The following TTC7B variants were observed in gnomAD, a reference collection of about 807,000 sequenced individuals.
TTC7B encodes the protein tetratricopeptide repeat protein 7B.
Under a neutral mutation model 106.8 loss-of-function variants are expected in TTC7B, and 28 were observed. The ratio of observed to expected loss-of-function variants is 0.26; its 90% confidence interval spans 0.19 to 0.36. TTC7B has a LOEUF of 0.36. TTC7B is among the 10% of genes least tolerant of loss of function. The probability of loss-of-function intolerance (pLI) is 1.00; values close to 1 mark genes in which losing one functional copy is unlikely to be tolerated. For missense variants in TTC7B, 862 were observed against 1,076.4 expected, an observed-to-expected ratio of 0.80 and a Z score of 2.79; for synonymous variants, 405 against 430.6, an observed-to-expected ratio of 0.94 and a Z score of 0.74.
At position 90,608,720 on chromosome 14, in the gene TTC7B, G is replaced by C. The variant is rs1892755878; in HGVS notation, c.1966+2022C>G. Among the ~76,000 whole-genome samples the C allele has an allele frequency of 6.6e-6, 1 of 152,106 alleles. No homozygotes were observed. Among genetic ancestry groups the C allele is most frequent in the Admixed American group, 6.5e-5 (1 of 15,270 alleles). On this transcript the variant is annotated intron_variant, in intron 17 of 19. Coordinates refer to ENST00000328459, the MANE Select transcript of TTC7B (RefSeq NM_001010854.2). This position sits in a 1 kb window ranked among gnomAD's most constrained non-coding sequence, Gnocchi z 5.1. ...ATCTGAGAAAGCTGAATCTGAAGAG[G>C]GAGACTCTCAAGCACTCTAGGAAAA... is the stretch of plus-strand genomic sequence containing the variant.
At position 90,663,355 on chromosome 14, in the gene TTC7B, GC is replaced by G; in HGVS notation, c.1153-4969del. Among the ~76,000 whole-genome samples, 1 of 152,210 alleles carries G rather than the reference GC, an allele frequency of 6.6e-6. No homozygotes were observed. The highest frequency in any genetic ancestry group is 1.9e-4 in the East Asian group (1 of 5,184). On this transcript the variant is annotated intron_variant, in intron 9 of 19. Transcript: ENST00000328459. This position sits in a 1 kb window ranked among gnomAD's most constrained non-coding sequence, Gnocchi z 4.5. ...GTGCCACTCACACTTCATTTATCAGGCCCACTCATGCTGCAGAAAGCAAAGG... is the reference window on the plus strand; with the variant it reads ...GTGCCACTCACACTTCATTTATCAGGCCACTCATGCTGCAGAAAGCAAAGG...
At chr14:90,673,234 A>T (rs1008980357) in intron 9 of TTC7B, among the ~76,000 whole-genome samples, 1 of 152,246 alleles carries the variant, frequency 6.6e-6, no homozygotes, top group Non-Finnish European at 1.5e-5. Context: ...TCATAAAGAC[A>T]GATGTAAAGA....
At chr14:90,635,994 A>G (rs1383768088) in intron 15 of TTC7B, among the ~76,000 whole-genome samples, 1 of 150,788 alleles carries the variant, frequency 6.6e-6, no homozygotes, top group African/African-American at 2.4e-5. Flanking sequence ...GGTGGTGCGC[A>G]CCTGTAATCC....
intron 15 of TTC7B, among the ~76,000 whole-genome samples, chr14:90,635,874 C>T (rs944412709): frequency 6.6e-6 from 1 of 151,780 alleles, no homozygotes; most frequent in Admixed American, 6.6e-5. Context: ...AATCCCAGCA[C>T]TTTGGGAGGC....
intron 19 of TTC7B, among the ~76,000 whole-genome samples, chr14:90,561,341 C>T (rs1262383384): frequency 4.6e-5 from 7 of 151,870 alleles, no homozygotes; most frequent in African/African-American, 9.7e-5. Flanking sequence ...CATGTGTGCA[C>T]GTGTGTGTGC....
At chr14:90,795,130 C>G (rs1189464544) in intron 1 of TTC7B, among the ~76,000 whole-genome samples, 1 of 151,922 alleles carries the variant, frequency 6.6e-6, no homozygotes, top group African/African-American at 2.4e-5. Context: ...AAATATAAAA[C>G]AAGATCAAAA....
intron 3 of TTC7B, among the ~76,000 whole-genome samples, chr14:90,747,852 G>A (rs775520512): frequency 5.9e-5 from 9 of 152,132 alleles, no homozygotes; most frequent in Non-Finnish European, 1.0e-4. Context: ...TCTTTTGATG[G>A]ATTGACATCA....
Position 90,525,134 on chromosome 14 carries a change from C to T in TTC7B, c.*16234G>A, listed in dbSNP as rs975669527. On this transcript the variant is annotated 3_prime_UTR_variant, in exon 20 of 20. Transcript: ENST00000328459. ...AGTCTCCTTGCCCCAGGCGCAATCA[C>T]GGGTCTGCTTTCCCTCACTCTAGAT... 6.6e-6 allele frequency: 1 copy of T among 151,774 alleles called. No homozygotes were observed. Among genetic ancestry groups the T allele is most frequent in the East Asian group, 1.9e-4 (1 of 5,134 alleles). 9.4% of individuals were successfully genotyped at this position (151,774 alleles called of 1,614,324 possible). A position where few individuals can be genotyped will look rare whatever the true frequency, so the allele number is the denominator to read the frequency against.
chr14:90,805,877 T>C lies in TTC7B; in HGVS notation c.121+10298A>G, dbSNP rs139990166. On this transcript the variant is annotated intron_variant, in intron 1 of 19. Coordinates refer to ENST00000328459, the MANE Select transcript of TTC7B (RefSeq NM_001010854.2). The surrounding 1 kb of genome is among the most constrained non-coding windows in gnomAD (Gnocchi z 4.0). Reference sequence around the variant, plus strand: ...GCCCAGGGGCACTTGGCCTCCTTGATCCCCCGGGGAAGGTGGGGCTGTGGC... The same window carrying C: ...GCCCAGGGGCACTTGGCCTCCTTGACCCCCCGGGGAAGGTGGGGCTGTGGC... Among the ~76,000 whole-genome samples the C allele has an allele frequency of 1.3e-3, 205 of 152,256 alleles. 1 individual carries two copies. Among genetic ancestry groups the C allele is most frequent in the African/African-American group, 4.5e-3 (186 of 41,552 alleles).
chr14:90,540,505 C>A lies in TTC7B; in HGVS notation c.*863G>T, dbSNP rs544534404. The A allele has an allele frequency of 6.5e-6, 1 of 153,534 alleles. No homozygotes were observed. Among genetic ancestry groups the A allele is most frequent in the Non-Finnish European group, 1.5e-5 (1 of 68,030 alleles). 9.5% of individuals were successfully genotyped at this position (153,534 alleles called of 1,614,324 possible). On this transcript the variant is annotated 3_prime_UTR_variant, in exon 20 of 20. Coordinates refer to ENST00000328459, the MANE Select transcript of TTC7B (RefSeq NM_001010854.2). ...CAAGGGCTGACATGTCCAGAGTGGG[C>A]CCCCAGGTACAGACAGCTCCCCACC...
chr14:90,666,816 G>A (rs148939324), intron 9 of TTC7B, among the ~76,000 whole-genome samples: 1 of 152,276 alleles, frequency 6.6e-6, no homozygotes, highest in Admixed American at 6.5e-5. Flanking sequence ...GGAGTAGAGT[G>A]GGTTGTTTTC....
intron 9 of TTC7B, among the ~76,000 whole-genome samples, chr14:90,661,871 A>G (rs1886222102): frequency 6.6e-6 from 1 of 152,234 alleles, no homozygotes. Flanking sequence ...AGATGCTATA[A>G]ATAAGTATGC....
chr14:90,717,679 A>AT (rs1309141230), intron 5 of TTC7B, among the ~76,000 whole-genome samples: 1 of 152,228 alleles, frequency 6.6e-6, no homozygotes. Context: ...GAAAAGGATG[A>AT]TTTTTTAAAA....
chr14:90,689,544 C>G lies in TTC7B; in HGVS notation c.946G>C (p.Glu316Gln). 1 of 1,613,430 alleles carries G rather than the reference C, an allele frequency of 6.2e-7. No homozygotes were observed. The highest frequency in any genetic ancestry group is 8.5e-7 in the Non-Finnish European group (1 of 1,179,678). ...LTRRARVYSG[E>Q]NIFCPQENTE... is the part of the protein sequence containing the mutation. Reference sequence around the variant, plus strand: ...TGAGGACATCAACTTTCATACTTCTCTCCTGAGTAGACACGGGCTCTCCGA... The same window carrying G: ...TGAGGACATCAACTTTCATACTTCTGTCCTGAGTAGACACGGGCTCTCCGA... Residue 316 changes from glutamate (E) to glutamine (Q), a missense_variant, in exon 7 of 20, where the codon GAG (glutamate) becomes CAG (glutamine). By Grantham distance (29) the Glu-to-Gln change is conservative. Transcript: ENST00000328459.
chr14:90,749,353 T>C (rs1890065405), intron 3 of TTC7B, among the ~76,000 whole-genome samples: 1 of 152,094 alleles, frequency 6.6e-6, no homozygotes, highest in Non-Finnish European at 1.5e-5. Flanking sequence ...CATGTGAAGT[T>C]GTCCTACAGA....
chr14:90,535,239 A>C lies in TTC7B; in HGVS notation c.*6129T>G, dbSNP rs1444412303. ...ATGGGAAGTGGCCTGCCCCGGCCACACCTGCCCAGGCCCCCAGCCTGGCTC... is the reference window on the plus strand; with the variant it reads ...ATGGGAAGTGGCCTGCCCCGGCCACCCCTGCCCAGGCCCCCAGCCTGGCTC... On this transcript the variant is annotated 3_prime_UTR_variant, in exon 20 of 20. Coordinates refer to ENST00000328459, the MANE Select transcript of TTC7B (RefSeq NM_001010854.2). 1 of 152,348 alleles carries C rather than the reference A, an allele frequency of 6.6e-6. No individual in the cohort carries two copies. The highest frequency in any genetic ancestry group is 1.5e-5 in the Non-Finnish European group (1 of 68,166). 9.4% of individuals were successfully genotyped at this position (152,348 alleles called of 1,614,324 possible).
chr14:90,682,476 A>C (rs951307509), intron 7 of TTC7B, among the ~76,000 whole-genome samples: 8 of 152,286 alleles, frequency 5.3e-5, no homozygotes, highest in Non-Finnish European at 1.0e-4. Flanking sequence ...GCTCCCTCTC[A>C]ATCATTATGA....
At chr14:90,754,057 G>A (rs906295285) in intron 3 of TTC7B, among the ~76,000 whole-genome samples, 2 of 152,232 alleles carry the variant, frequency 1.3e-5, no homozygotes, top group African/African-American at 4.8e-5. Flanking sequence ...GTCAGATACT[G>A]TTCTCAGAGT....
intron 17 of TTC7B, 128 bp from the exon 18 acceptor site, chr14:90,593,754 TC>T: frequency 1.0e-6 from 1 of 988,752 alleles, no homozygotes; most frequent in Non-Finnish European, 1.4e-6. Flanking sequence ...AGATTTACTG[TC>T]CACAGAGAAA....
Sources: gnomAD v4.1 joint callset for allele counts (sites outside exome capture counted in the v4.1 genomes callset) on GRCh38, gnomAD v4.1.1 for gene constraint, Gnocchi (gnomAD v3.1) non-coding constraint, MANE v1.5 for transcripts, NCBI Gene and HGNC (gene_info 2026-07-23, HGNC 2026-07-21) for gene names.